TNFAIP8: variants seen among roughly 807,000 people sequenced by gnomAD.
TNFAIP8 encodes the protein TNF alpha induced protein 8.
In TNFAIP8, 7 loss-of-function variants were observed where a neutral mutation model predicts 13.3. The ratio of observed to expected loss-of-function variants is 0.52; its 90% CI spans 0.30 to 0.99. TNFAIP8 has a LOEUF of 0.99. TNFAIP8 is among the 50% of genes least tolerant of loss of function. The pLI is 0.07. For missense variants in TNFAIP8, 258 were observed against 236.9 expected (o/e 1.09, Z -0.58); for synonymous variants, 94 against 87.6 (o/e 1.07, Z -0.41).
Position 119,371,855 on chromosome 5 carries a change from C to T in TNFAIP8, c.31+15734C>T, listed in dbSNP as rs555400319. 1.4e-4 allele frequency among the ~76,000 whole-genome samples: 21 copies of T among 152,148 alleles called. No homozygotes were observed. The East Asian group carries it at 3.3e-3, about 24-fold the overall frequency. On this transcript the variant is annotated intron_variant, in intron 1 of 1. Transcript: ENST00000504771. ...GGGGCAACATGGCAAAACCCCATCTCGGCCGGGCGTGGTGGCTCACACCTG... is the reference window on the plus strand; with the variant it reads ...GGGGCAACATGGCAAAACCCCATCTTGGCCGGGCGTGGTGGCTCACACCTG...
chr5:119,271,590 C>CT (rs1423005843), intron 1 of TNFAIP8, among the ~76,000 whole-genome samples: 8 of 152,142 alleles, frequency 5.3e-5, no homozygotes, highest in Admixed American at 5.2e-4. Context: ...GGGCCACCTG[C>CT]TTTTTCACAG....
intron 1 of TNFAIP8, among the ~76,000 whole-genome samples, chr5:119,335,036 G>C (rs1750507501): frequency 6.6e-6 from 1 of 152,174 alleles, no homozygotes; most frequent in Non-Finnish European, 1.5e-5. Context: ...CAGGCTAGAA[G>C]TGAAGGGGAG....
chr5:119,332,974 G>A (rs1175153541), intron 1 of TNFAIP8, among the ~76,000 whole-genome samples: 1 of 152,060 alleles, frequency 6.6e-6, no homozygotes, highest in Non-Finnish European at 1.5e-5. Flanking sequence ...TAGTTCTCCT[G>A]AGAACAGAAA....
chr5:119,375,375 G>A (rs1196217694), intron 1 of TNFAIP8, among the ~76,000 whole-genome samples: 1 of 152,196 alleles, frequency 6.6e-6, no homozygotes, highest in Non-Finnish European at 1.5e-5. Flanking sequence ...GTGAGTAGGT[G>A]AAAAGACACA....
chr5:119,294,927 G>C (rs1261610698), intron 1 of TNFAIP8, among the ~76,000 whole-genome samples: 1 of 151,716 alleles, frequency 6.6e-6, no homozygotes, highest in African/African-American at 2.4e-5. Flanking sequence ...GTTCATTGTA[G>C]ATTCTGGATA....
intron 1 of TNFAIP8, among the ~76,000 whole-genome samples, chr5:119,301,462 C>G (rs748464015): frequency 1.1e-4 from 16 of 152,196 alleles, no homozygotes; most frequent in Non-Finnish European, 2.4e-4. Context: ...TCAGCAGCAG[C>G]AGCTGCTTCT....
rs144231149 is a variant in TNFAIP8 at position 119,384,984 on chromosome 5, A to G, written c.32-7832A>G. ...ATACACGGTTGAACTCAAAATCATG[A>G]TGAAGAGATTCCAGAATTAAAGCCT... On this transcript the variant is annotated intron_variant, in intron 1 of 1. Coordinates refer to ENST00000504771, the MANE Select transcript of TNFAIP8 (RefSeq NM_014350.4). 9.0e-3 allele frequency among the ~76,000 whole-genome samples: 1,371 copies of G among 152,284 alleles called. 22 individuals carry two copies. Among genetic ancestry groups the G allele is most frequent in the African/African-American group, 0.032 (1,318 of 41,554 alleles).
rs531829954 is a variant in TNFAIP8 at position 119,296,943 on chromosome 5, G to C, written c.1+28036G>C. 2.2e-3 allele frequency among the ~76,000 whole-genome samples: 335 copies of C among 152,034 alleles called. 2 individuals are homozygous for C. The highest frequency in any genetic ancestry group is 3.6e-3 in the Non-Finnish European group (245 of 67,932). On this transcript the variant is annotated intron_variant, in intron 1 of 1. Transcript: ENST00000274456. ...GTGTTTGTAGTATTCTCTGATGGTA[G>C]TTTGTATTTCTGTGGGATCGGTGGT...
intron 1 of TNFAIP8, among the ~76,000 whole-genome samples, chr5:119,285,588 T>G (rs756349413): frequency 6.6e-6 from 1 of 152,234 alleles, no homozygotes; most frequent in Non-Finnish European, 1.5e-5. Context: ...CTCTCATTGC[T>G]AAGATAAGTG....
chr5:119,333,406 C>G, intron 1 of TNFAIP8: 1 of 1,360,684 alleles, frequency 7.3e-7, no homozygotes, highest in African/African-American at 1.5e-5. Context: ...TGACCAGTGC[C>G]TTCTGTGCAT....
At chr5:119,339,322 T>C (rs7737934) in intron 1 of TNFAIP8, among the ~76,000 whole-genome samples, 16,259 of 152,110 alleles carry the variant, frequency 0.11, 1,103 homozygotes, top group African/African-American at 0.2. Context: ...TTGCCTAAAC[T>C]CGTCACTCTG....
At chr5:119,384,482 T>TA (rs1384134577) in intron 1 of TNFAIP8, among the ~76,000 whole-genome samples, 1 of 152,012 alleles carries the variant, frequency 6.6e-6, no homozygotes, top group Non-Finnish European at 1.5e-5. Context: ...CACTCCATCT[T>TA]AAAAAAACAT....
At chr5:119,359,496 G>A (rs1369619731) in intron 1 of TNFAIP8, among the ~76,000 whole-genome samples, 1 of 151,712 alleles carries the variant, frequency 6.6e-6, no homozygotes, top group Non-Finnish European at 1.5e-5. Flanking sequence ...AGAGTAAAAG[G>A]TGCTCATTAA....
chr5:119,289,075 G>A (rs1748904895), intron 1 of TNFAIP8, among the ~76,000 whole-genome samples: 1 of 152,168 alleles, frequency 6.6e-6, no homozygotes, highest in South Asian at 2.1e-4. Context: ...ATCATGCAGA[G>A]TCATTAATAC....
chr5:119,313,415 GT>G (rs1241769962), intron 1 of TNFAIP8, among the ~76,000 whole-genome samples: 1 of 152,124 alleles, frequency 6.6e-6, no homozygotes, highest in African/African-American at 2.4e-5. Flanking sequence ...AGGGGAGTAG[GT>G]TTTGCTTTCA....
chr5:119,294,169 T>C (rs947608089), intron 1 of TNFAIP8, among the ~76,000 whole-genome samples: 1 of 151,656 alleles, frequency 6.6e-6, no homozygotes, highest in Admixed American at 6.6e-5. Context: ...TAGCATTAGG[T>C]ATATCTCCTA....
chr5:119,372,872 A>G (rs1401867909), intron 1 of TNFAIP8, among the ~76,000 whole-genome samples: 1 of 152,108 alleles, frequency 6.6e-6, no homozygotes. Context: ...GAGGCAGGGG[A>G]ATCGCTTGAA....
intron 1 of TNFAIP8, among the ~76,000 whole-genome samples, chr5:119,338,676 A>G (rs906588164): frequency 6.6e-6 from 1 of 152,230 alleles, no homozygotes; most frequent in Non-Finnish European, 1.5e-5. Flanking sequence ...TTCATGCACT[A>G]TTCCTCCTTA....
chr5:119,290,035 A>G (rs961918184), intron 1 of TNFAIP8, among the ~76,000 whole-genome samples: 2 of 152,234 alleles, frequency 1.3e-5, no homozygotes, highest in African/African-American at 4.8e-5. Flanking sequence ...GTCTTACTAA[A>G]GCATGCAGAG....
Sources: gnomAD v4.1 joint callset for allele counts (sites outside exome capture counted in the v4.1 genomes callset) on GRCh38, gnomAD v4.1.1 for gene constraint, MANE v1.5 for transcripts, NCBI Gene and HGNC (gene_info 2026-07-23, HGNC 2026-07-21) for gene names.